GFM1: variants seen among roughly 807,000 people sequenced by gnomAD.
GFM1 encodes elongation factor G, mitochondrial.
A neutral mutation model predicts 96.2 loss-of-function variants in GFM1; 62 were observed. The ratio of observed to expected loss-of-function variants is 0.64; its 90% confidence interval spans 0.53 to 0.80. The LOEUF is 0.80. Among genes scored for constraint, GFM1 ranks in the 30% least tolerant of loss-of-function variants. The pLI is 0.00. For synonymous variants in GFM1, 282 were observed against 312.9 expected (o/e 0.90, Z 1.04); for missense variants, 852 against 916.6 (o/e 0.93, Z 0.91).
At chr3:158,669,235 C>A in intron 13 of GFM1, 1 of 1,325,294 alleles carries the variant, frequency 7.5e-7, no homozygotes, top group Non-Finnish European at 1.0e-6. Context: ...GAATGTTGTG[C>A]AAAAAATAAT....
Position 158,684,524 on chromosome 3 carries a change from G to A in GFM1, c.1765G>A (p.Gly589Arg). ...AGAAGTTGTGTTCATTCATTAACAG[G>A]GGTTTTTAGATGCCTGCGAGAAGGG... ...PKQFVPAVEK[G>R]FLDACEKGPL... Residue 589 changes from glycine (G) to arginine (R), a missense_variant and splice_region_variant, in exon 15 of 18, where the codon GGG (glycine) becomes AGG (arginine). Transcript: ENST00000486715. 1 of 1,613,966 alleles carries A rather than the reference G, an allele frequency of 6.2e-7. No homozygotes were observed. The highest frequency in any genetic ancestry group is 1.1e-5 in the South Asian group (1 of 91,080).
intron 15 of GFM1, among the ~76,000 whole-genome samples, chr3:158,686,138 C>G (rs1183371824): frequency 6.7e-6 from 1 of 149,304 alleles, no homozygotes; most frequent in Non-Finnish European, 1.5e-5. Context: ...TACATTTTCC[C>G]ACAGGATATA....
rs1726402413 is a variant in GFM1 at position 158,692,634 on chromosome 3, G to T, written c.*1167G>T. 1 of 151,670 alleles carries T rather than the reference G, an allele frequency of 6.6e-6. No homozygotes were observed. Among genetic ancestry groups the T allele is most frequent in the Non-Finnish European group, 1.5e-5 (1 of 67,936 alleles). The allele number at this position is 151,670 out of a possible 1,614,324, so 9.4% of individuals were successfully genotyped here. A position where few individuals can be genotyped will look rare whatever the true frequency, so the allele number is the denominator to read the frequency against. On this transcript the variant is annotated 3_prime_UTR_variant, in exon 18 of 18. Transcript: ENST00000486715. Reference sequence around the variant, plus strand: ...TACTTTAAGGTTTCTAGGGGAAAAAGATCTTTAAAAAGTATTGAGCACATG... The same window carrying T: ...TACTTTAAGGTTTCTAGGGGAAAAATATCTTTAAAAAGTATTGAGCACATG...
intron 16 of GFM1, 105 bp downstream of exon 16, chr3:158,690,428 G>C: frequency 9.0e-7 from 1 of 1,106,128 alleles, no homozygotes; most frequent in Admixed American, 1.7e-5. Context: ...CTGAATTTGT[G>C]GCTTTATACA....
chr3:158,652,310 A>G (rs923897975), intron 6 of GFM1, 64 bp downstream of exon 6: 20 of 1,380,062 alleles, frequency 1.4e-5, no homozygotes, highest in Non-Finnish European at 2.1e-5. Flanking sequence ...TTTTGTAGGG[A>G]GGGGACATGA....
intron 15 of GFM1, among the ~76,000 whole-genome samples, chr3:158,689,910 TCTG>T (rs972012973): frequency 3.9e-5 from 6 of 152,200 alleles, no homozygotes; most frequent in Non-Finnish European, 8.8e-5. Flanking sequence ...TGTATTATTC[TCTG>T]CTATTTAATG....
intron 15 of GFM1, among the ~76,000 whole-genome samples, chr3:158,688,920 A>G (rs1576797407): frequency 6.6e-6 from 1 of 152,252 alleles, no homozygotes; most frequent in Non-Finnish European, 1.5e-5. Flanking sequence ...TACTGTCTCT[A>G]GAAGAAGCAC....
intron 13 of GFM1, among the ~76,000 whole-genome samples, chr3:158,675,285 CAAAAAAAAAAAA>C (rs1172885215): frequency 1.9e-5 from 1 of 52,672 alleles, no homozygotes; most frequent in Non-Finnish European, 3.5e-5. Context: ...GACTCCATCT[CAAAAAAAAAAAA>C]AAAAAAAAAA....
Position 158,649,444 on chromosome 3 carries a change from A to G in GFM1, c.689+287A>G, listed in dbSNP as rs1002877043. ...CAGTTTGGGTTAGTAAATTTGGGTT[A>G]GTGAATGTATTGTATCTTTTTGCAC... On this transcript the variant is annotated intron_variant, in intron 5 of 17. Transcript: ENST00000486715. The G allele has an allele frequency of 2.8e-4, 85 of 300,378 alleles. 2 individuals are homozygous for G. In the Admixed American group the frequency reaches 3.9e-3, roughly 14 times the overall value. The allele number at this position is 300,378 out of a possible 1,614,324, so 18.6% of individuals were successfully genotyped here. A position where few individuals can be genotyped will look rare whatever the true frequency, so the allele number is the denominator to read the frequency against.
chr3:158,666,844 A>G, intron 13 of GFM1: 2 of 1,422,650 alleles, frequency 1.4e-6, no homozygotes, highest in Admixed American at 2.2e-5. Flanking sequence ...GTCTTCACAA[A>G]GAATAGTACT....
intron 11 of GFM1, among the ~76,000 whole-genome samples, chr3:158,662,989 G>C (rs1301953024): frequency 6.6e-6 from 1 of 152,120 alleles, no homozygotes; most frequent in Non-Finnish European, 1.5e-5. Flanking sequence ...AATTGGAAAA[G>C]GGGAATCGGG....
At chr3:158,680,053 C>T (rs4680456) in intron 13 of GFM1, among the ~76,000 whole-genome samples, 24,126 of 152,062 alleles carry the variant, frequency 0.16, 1,997 homozygotes, top group South Asian at 0.22. Context: ...AACAAATCTG[C>T]AAATTTGAGG....
intron 13 of GFM1, among the ~76,000 whole-genome samples, chr3:158,676,262 G>T (rs1223600640): frequency 6.6e-6 from 1 of 152,004 alleles, no homozygotes; most frequent in Non-Finnish European, 1.5e-5. Flanking sequence ...ACCAGACCCT[G>T]TCTCAAAAAA....
chr3:158,669,388 T>G (rs752309576), intron 13 of GFM1: 1 of 1,543,658 alleles, frequency 6.5e-7, no homozygotes, highest in Admixed American at 1.9e-5. Context: ...GAGATTGATT[T>G]TAAGTTTGAA....
At chr3:158,653,057 T>G (rs1381031553) in intron 6 of GFM1, among the ~76,000 whole-genome samples, 1 of 152,168 alleles carries the variant, frequency 6.6e-6, no homozygotes, top group Non-Finnish European at 1.5e-5. Context: ...AAATTGAAAA[T>G]TAGTGAGAAT....
At chr3:158,670,560 T>G (rs780899801) in intron 13 of GFM1, among the ~76,000 whole-genome samples, 1 of 152,232 alleles carries the variant, frequency 6.6e-6, no homozygotes. Flanking sequence ...AAAGAACTGA[T>G]CCTTGTAAAC....
At chr3:158,688,128 A>G (rs1726015896) in intron 15 of GFM1, among the ~76,000 whole-genome samples, 1 of 152,250 alleles carries the variant, frequency 6.6e-6, no homozygotes, top group Non-Finnish European at 1.5e-5. Flanking sequence ...GATTTAAAAA[A>G]TGAACACTAG....
intron 15 of GFM1, among the ~76,000 whole-genome samples, chr3:158,687,248 C>T (rs1013172550): frequency 5.9e-5 from 9 of 151,974 alleles, no homozygotes; most frequent in Admixed American, 2.6e-4. Flanking sequence ...TGGGCTCAAG[C>T]GATCCTCCTG....
chr3:158,654,760 A>G lies in GFM1; in HGVS notation c.1083+129A>G, dbSNP rs530462792. 65 of 705,702 alleles carry G rather than the reference A, an allele frequency of 9.2e-5. 3 individuals are homozygous for G. The South Asian group carries it at 9.9e-4, about 11-fold the overall frequency. 43.7% of individuals were successfully genotyped at this position (705,702 alleles called of 1,614,324 possible). A position where few individuals can be genotyped will look rare whatever the true frequency, so the allele number is the denominator to read the frequency against. On this transcript the variant is annotated intron_variant, in intron 8 of 17. Coordinates refer to ENST00000486715, the MANE Select transcript of GFM1 (RefSeq NM_024996.7). ...AAATAGGAAAGTAGAAAGAGCAGGT[A>G]GAGAATTTCCAAAGCTCTGACATGA...
Sources: allele counts gnomAD v4.1 joint callset (sites outside exome capture counted in the v4.1 genomes callset), GRCh38; gene constraint gnomAD v4.1.1; transcripts MANE v1.5; gene names NCBI Gene and HGNC (gene_info 2026-07-23, HGNC 2026-07-21).